Variants in LRP1B observed in about 807,000 individuals in gnomAD.
LRP1B encodes low-density lipoprotein receptor-related protein 1B.
A neutral mutation model predicts 556.6 loss-of-function variants in LRP1B; 217 were observed. That is an observed-to-expected ratio of 0.39 (90% CI 0.35 to 0.44). The LOEUF (loss-of-function observed/expected upper bound fraction) is 0.44, where lower values mean the gene tolerates loss of function less well. Ranked by LOEUF, LRP1B falls within the 20% of genes least tolerant of loss-of-function variation. The pLI is 1.00. For missense variants in LRP1B, 5,053 were observed against 5,620.8 expected, an observed-to-expected ratio of 0.90 and a Z score of 3.23; for synonymous variants, 2,047 against 1,865.8, an observed-to-expected ratio of 1.10 and a Z score of -2.50.
intron 3 of LRP1B, among the ~76,000 whole-genome samples, chr2:141,314,544 C>CA (rs1399254283): frequency 6.6e-6 from 1 of 151,916 alleles, no homozygotes; most frequent in Non-Finnish European, 1.5e-5. Flanking sequence ...GTAATCCCAG[C>CA]ACTCTGGGAG....
intron 8 of LRP1B, among the ~76,000 whole-genome samples, chr2:141,061,329 A>T (rs1699328612): frequency 1.3e-5 from 2 of 151,804 alleles, no homozygotes; most frequent in Admixed American, 1.3e-4. Context: ...AAAGAATCCA[A>T]AGAGATTCAC....
intron 1 of LRP1B, among the ~76,000 whole-genome samples, chr2:142,113,243 A>G (rs1165174648): frequency 2.0e-5 from 3 of 152,096 alleles, no homozygotes; most frequent in African/African-American, 4.8e-5. Context: ...GCCTTTCAGA[A>G]GGATCATTTC....
chr2:140,918,220 A>G (rs1300074381), intron 21 of LRP1B, among the ~76,000 whole-genome samples: 1 of 149,238 alleles, frequency 6.7e-6, no homozygotes, highest in Non-Finnish European at 1.5e-5. Flanking sequence ...GTGTGTGTGT[A>G]GAGAATGCTT....
At chr2:141,055,765 T>G (rs781344001) in intron 9 of LRP1B, among the ~76,000 whole-genome samples, 5 of 151,318 alleles carry the variant, frequency 3.3e-5, no homozygotes, top group Non-Finnish European at 7.4e-5. Flanking sequence ...TTTTTAAATT[T>G]TTAAGTCTAT....
intron 1 of LRP1B, among the ~76,000 whole-genome samples, chr2:141,909,154 C>T (rs1181937873): frequency 1.3e-5 from 2 of 151,954 alleles, no homozygotes; most frequent in Non-Finnish European, 2.9e-5. Context: ...ATACACAAAC[C>T]TTACAGAAGA....
rs192095372 is a variant in LRP1B at position 140,283,936 on chromosome 2, G to T, written c.12968-9338C>A. Among the ~76,000 whole-genome samples the T allele has an allele frequency of 5.9e-4, 89 of 151,728 alleles. 2 individuals are homozygous for T. The highest frequency in any genetic ancestry group is 2.1e-3 in the African/African-American group (88 of 41,478). ...AGACTTGTGAGCAAGCTGAGTTGCA[G>T]ATGACAGCTAAATATGGCTTATCAG... is the stretch of plus-strand genomic sequence containing the variant. On this transcript the variant is annotated intron_variant, in intron 84 of 90. Transcript: ENST00000389484.
chr2:140,450,700 C>G (rs376523646), intron 62 of LRP1B, 39 bp from the exon 63 acceptor site: 58 of 1,392,922 alleles, frequency 4.2e-5, no homozygotes, highest in Admixed American at 2.5e-4. Context: ...GTTGAAGAAC[C>G]CAGTGCATAT....
chr2:140,420,198 G>A (rs1558869756), intron 66 of LRP1B, among the ~76,000 whole-genome samples: 1 of 151,670 alleles, frequency 6.6e-6, no homozygotes, highest in Non-Finnish European at 1.5e-5. Context: ...AAGTGCAATG[G>A]TTAATATCAC....
intron 41 of LRP1B, among the ~76,000 whole-genome samples, chr2:140,645,398 T>C (rs1038757121): frequency 2.6e-5 from 4 of 152,060 alleles, no homozygotes; most frequent in Non-Finnish European, 4.4e-5. Flanking sequence ...CCATTAGACA[T>C]GAAGTTTATT....
At chr2:141,735,688 C>A (rs969055980) in intron 2 of LRP1B, among the ~76,000 whole-genome samples, 2 of 151,968 alleles carry the variant, frequency 1.3e-5, no homozygotes, top group Non-Finnish European at 2.9e-5. Flanking sequence ...ACTTTTTTCT[C>A]TTCTGCAGAG....
chr2:141,001,168 C>T (rs1390194409), intron 15 of LRP1B, among the ~76,000 whole-genome samples: 3 of 152,042 alleles, frequency 2.0e-5, no homozygotes, highest in Admixed American at 2.0e-4. Context: ...CTTATCAGAT[C>T]TCTGAGAGTT....
chr2:140,793,321 TA>T (rs897833289), intron 32 of LRP1B, among the ~76,000 whole-genome samples: 1 of 152,024 alleles, frequency 6.6e-6, no homozygotes, highest in Non-Finnish European at 1.5e-5. Flanking sequence ...AACAACTTTT[TA>T]AATATCAGAT....
At chr2:141,596,320 C>CA (rs1687516834) in intron 2 of LRP1B, among the ~76,000 whole-genome samples, 1 of 151,634 alleles carries the variant, frequency 6.6e-6, no homozygotes, top group Non-Finnish European at 1.5e-5. Flanking sequence ...AATTACTTGA[C>CA]AAAAAAATCA....
At chr2:141,303,620 A>AT (rs1232992188) in intron 3 of LRP1B, among the ~76,000 whole-genome samples, 1 of 152,098 alleles carries the variant, frequency 6.6e-6, no homozygotes, top group Non-Finnish European at 1.5e-5. Context: ...ACAGGATTTC[A>AT]TTTTTTATGG....
intron 1 of LRP1B, among the ~76,000 whole-genome samples, chr2:141,939,655 T>C (rs1211490734): frequency 6.6e-6 from 1 of 152,138 alleles, no homozygotes; most frequent in Non-Finnish European, 1.5e-5. Flanking sequence ...CTATTATATA[T>C]GTTTTGATGT....
chr2:141,035,155 T>C (rs1262194313), intron 11 of LRP1B, among the ~76,000 whole-genome samples: 1 of 147,988 alleles, frequency 6.8e-6, no homozygotes, highest in Non-Finnish European at 1.5e-5. Context: ...AATTGAACAA[T>C]GAGAACACAT....
chr2:140,391,979 C>T (rs770219690), intron 66 of LRP1B, among the ~76,000 whole-genome samples: 41 of 152,096 alleles, frequency 2.7e-4, no homozygotes, highest in South Asian at 6.2e-4. Flanking sequence ...TGTCTGGATT[C>T]AAGTTGCTAC....
intron 66 of LRP1B, among the ~76,000 whole-genome samples, chr2:140,400,028 T>C (rs780081698): frequency 2.0e-5 from 3 of 152,174 alleles, no homozygotes; most frequent in Non-Finnish European, 4.4e-5. Flanking sequence ...AACAACATCT[T>C]GAGATGTTGA....
intron 1 of LRP1B, among the ~76,000 whole-genome samples, chr2:141,919,940 C>T (rs1700139154): frequency 6.6e-6 from 1 of 151,940 alleles, no homozygotes; most frequent in Non-Finnish European, 1.5e-5. Flanking sequence ...GAATTTTTCT[C>T]TTTATCTCCC....
Sources: allele counts gnomAD v4.1 joint callset (sites outside exome capture counted in the v4.1 genomes callset), GRCh38; gene constraint gnomAD v4.1.1; transcripts MANE v1.5; gene names NCBI Gene and HGNC (gene_info 2026-07-23, HGNC 2026-07-21).